FER: variants seen among roughly 807,000 people sequenced by gnomAD.
FER encodes the protein tyrosine-protein kinase Fer.
A neutral mutation model predicts 111.0 loss-of-function variants in FER; 63 were observed. The observed-to-expected ratio is 0.57, with a 90% CI of 0.46 to 0.70. FER has a LOEUF of 0.70. Among genes scored for constraint, FER ranks in the 30% least tolerant of loss-of-function variants. FER has a pLI of 0.00. For synonymous variants in FER, 327 were observed against 313.9 expected (o/e 1.04, Z -0.44); for missense variants, 914 against 954.0 (o/e 0.96, Z 0.55).
At chr5:109,089,251 T>A (rs1341131539) in intron 16 of FER, among the ~76,000 whole-genome samples, 1 of 152,204 alleles carries the variant, frequency 6.6e-6, no homozygotes, top group Non-Finnish European at 1.5e-5. Flanking sequence ...GAGAATTTTT[T>A]TAAAATAGTA....
At chr5:108,756,079 G>A (rs1312268241) in intron 1 of FER, among the ~76,000 whole-genome samples, 2 of 150,262 alleles carry the variant, frequency 1.3e-5, no homozygotes, top group Admixed American at 6.6e-5. Context: ...GCTTGAACAC[G>A]GGAGGTGGAG....
chr5:108,997,776 T>C (rs1764189714), intron 13 of FER, among the ~76,000 whole-genome samples: 1 of 152,146 alleles, frequency 6.6e-6, no homozygotes, highest in South Asian at 2.1e-4. Context: ...ATGGGGGTTT[T>C]ATCTATAAGT....
chr5:109,127,168 T>C (rs528269370), intron 17 of FER, among the ~76,000 whole-genome samples: 36 of 152,226 alleles, frequency 2.4e-4, no homozygotes, highest in Admixed American at 4.6e-4. Flanking sequence ...TATCTTTCAA[T>C]ATAGAGTTAC....
chr5:108,750,548 T>C (rs1292079807), intron 1 of FER, among the ~76,000 whole-genome samples: 1 of 152,248 alleles, frequency 6.6e-6, no homozygotes, highest in African/African-American at 2.4e-5. Context: ...CTCTTCTGCA[T>C]TGATTGTTGA....
intron 16 of FER, among the ~76,000 whole-genome samples, chr5:109,081,835 G>A (rs1214613212): frequency 6.6e-6 from 1 of 151,732 alleles, no homozygotes; most frequent in Non-Finnish European, 1.5e-5. Flanking sequence ...TTATCCTAAA[G>A]CAATATTTAT....
At chr5:109,059,258 T>G (rs1774062079) in intron 16 of FER, among the ~76,000 whole-genome samples, 1 of 152,044 alleles carries the variant, frequency 6.6e-6, no homozygotes, top group Non-Finnish European at 1.5e-5. Flanking sequence ...AAATACATGG[T>G]TATGAAAAGC....
chr5:108,795,783 A>G (rs1396538642), intron 2 of FER, among the ~76,000 whole-genome samples: 2 of 152,046 alleles, frequency 1.3e-5, no homozygotes, highest in South Asian at 2.1e-4. Context: ...GTTATCTTGA[A>G]TTTCTTTGAG....
At chr5:108,926,251 A>G (rs1753728443) in intron 10 of FER, among the ~76,000 whole-genome samples, 1 of 151,440 alleles carries the variant, frequency 6.6e-6, no homozygotes, top group Non-Finnish European at 1.5e-5. Context: ...TTTTTTATAC[A>G]TACCATCGTT....
chr5:108,858,144 A>G (rs1763176103), intron 5 of FER, among the ~76,000 whole-genome samples: 1 of 152,160 alleles, frequency 6.6e-6, no homozygotes, highest in Admixed American at 6.5e-5. Context: ...CTAGGGATAC[A>G]CTGAGGGGTT....
At chr5:108,767,748 T>C (rs988176621) in intron 1 of FER, among the ~76,000 whole-genome samples, 3 of 152,174 alleles carry the variant, frequency 2.0e-5, no homozygotes, top group African/African-American at 7.2e-5. Flanking sequence ...TTCCACAGTG[T>C]TGGGATTACA....
chr5:108,828,465 G>A (rs891170618), intron 3 of FER, among the ~76,000 whole-genome samples: 4 of 151,966 alleles, frequency 2.6e-5, no homozygotes, highest in South Asian at 4.1e-4. Context: ...GTATCCTGTG[G>A]AATTTTTGTC....
At chr5:109,040,652 G>GT (rs1427598613) in intron 14 of FER, among the ~76,000 whole-genome samples, 1 of 152,132 alleles carries the variant, frequency 6.6e-6, no homozygotes, top group East Asian at 1.9e-4. Context: ...ATTCTTTGAA[G>GT]TTTTGCTGCA....
chr5:109,106,346 T>C (rs10063768), intron 17 of FER, among the ~76,000 whole-genome samples: 66,707 of 151,888 alleles, frequency 0.44, 15,181 homozygotes, highest in African/African-American at 0.55. Flanking sequence ...TTAATAAGAG[T>C]TTGAATTTTT....
intron 9 of FER, among the ~76,000 whole-genome samples, chr5:108,887,436 A>G (rs565654271): frequency 1.4e-4 from 22 of 151,796 alleles, no homozygotes; most frequent in African/African-American, 5.3e-4. Flanking sequence ...ATGTGATTTT[A>G]AATTGACACA....
At chr5:108,981,461 G>T (rs575967840) in intron 13 of FER, among the ~76,000 whole-genome samples, 1 of 151,900 alleles carries the variant, frequency 6.6e-6, no homozygotes, top group African/African-American at 2.4e-5. Context: ...GTTTATCAAG[G>T]TTCCTCTAAA....
chr5:108,844,988 GTGTGTGTGTATATATATA>G (rs1761730003), intron 5 of FER, among the ~76,000 whole-genome samples: 1 of 31,750 alleles, frequency 3.1e-5, no homozygotes, highest in South Asian at 1.1e-3. Context: ...TTGCTGGTGT[GTGTGTGTGTATATATATA>G]TATATATATA....
At chr5:108,999,895 A>G (rs916887252) in intron 13 of FER, among the ~76,000 whole-genome samples, 1 of 152,014 alleles carries the variant, frequency 6.6e-6, no homozygotes. Context: ...GTCTCTTTTA[A>G]TAAGTAGGAG....
chr5:109,045,268 T>C (rs1224528117), intron 15 of FER, among the ~76,000 whole-genome samples: 1 of 149,136 alleles, frequency 6.7e-6, no homozygotes, highest in African/African-American at 2.5e-5. Context: ...TACATTTAAG[T>C]ATATACATTT....
chr5:109,144,237 C>T (rs188430633), intron 17 of FER, among the ~76,000 whole-genome samples: 3 of 152,056 alleles, frequency 2.0e-5, no homozygotes, highest in African/African-American at 4.8e-5. Context: ...TAAAAGTAAA[C>T]AAGAAATTGA....
Sources: allele counts gnomAD v4.1 joint callset (sites outside exome capture counted in the v4.1 genomes callset), GRCh38; gene constraint gnomAD v4.1.1; transcripts MANE v1.5; gene names NCBI Gene and HGNC (gene_info 2026-07-23, HGNC 2026-07-21).